DCP1A: variants seen among roughly 807,000 people sequenced by gnomAD.
DCP1A encodes decapping mRNA 1A.
A neutral mutation model predicts 58.0 loss-of-function variants in DCP1A; 20 were observed. The ratio of observed to expected loss-of-function variants is 0.34; its 90% CI spans 0.24 to 0.50. The LOEUF (loss-of-function observed/expected upper bound fraction) is 0.50. Among genes scored for constraint, DCP1A ranks in the 20% least tolerant of loss-of-function variants. DCP1A has a pLI of 0.98. For missense variants in DCP1A, 613 were observed against 712.2 expected, an observed-to-expected ratio of 0.86 and a Z score of 1.59; for synonymous variants, 285 against 275.1, an observed-to-expected ratio of 1.04 and a Z score of -0.36.
Position 53,312,362 on chromosome 3 carries a change from G to A in DCP1A, c.389C>T (p.Thr130Ile), listed in dbSNP as rs1553688778. 1 of 1,609,268 alleles carries A rather than the reference G, an allele frequency of 6.2e-7. No homozygotes were observed. Reference sequence around the variant, plus strand: ...CCGAGCAGCTTGCTGGGATCGCCGTGTCTCCTCTTCTACCACACTAGAGGA... The same window carrying A: ...CCGAGCAGCTTGCTGGGATCGCCGTATCTCCTCTTCTACCACACTAGAGGA... ...KLMADVVEEE[T>I]RRSQQAARDK... Residue 130 changes from threonine to isoleucine, a missense_variant, in exon 5 of 10, where the codon ACA (threonine) becomes ATA (isoleucine). Physicochemically the swap from Thr to Ile is moderately conservative, Grantham distance 89. This residue lies in a region of DCP1A where 498 missense variants were observed against 556.7 expected (regional missense o/e 0.89). Coordinates refer to ENST00000610213, the MANE Select transcript of DCP1A (RefSeq NM_018403.7).
chr3:53,293,524 C>T (rs782416944), intron 6 of DCP1A, among the ~76,000 whole-genome samples: 11 of 152,060 alleles, frequency 7.2e-5, no homozygotes, highest in African/African-American at 1.4e-4. Flanking sequence ...TGGGCCCACG[C>T]GATGCAGCAA....
chr3:53,329,726 T>C (rs1286949451), intron 3 of DCP1A, among the ~76,000 whole-genome samples: 5 of 152,234 alleles, frequency 3.3e-5, no homozygotes, highest in Non-Finnish European at 7.3e-5. Flanking sequence ...CAAAAGGGCT[T>C]TGTCCATTTT....
chr3:53,302,300 T>C (rs1707333269), intron 6 of DCP1A, among the ~76,000 whole-genome samples: 1 of 152,156 alleles, frequency 6.6e-6, no homozygotes, highest in African/African-American at 2.4e-5. Flanking sequence ...AAACAAAAAG[T>C]CTACTTAAAA....
chr3:53,322,794 ATGTTTGTT>A (rs1245339925), intron 3 of DCP1A, among the ~76,000 whole-genome samples: 3 of 147,902 alleles, frequency 2.0e-5, no homozygotes, highest in African/African-American at 5.0e-5. Context: ...AGAGTTTCCC[ATGTTTGTT>A]TGTTTGTTTG....
chr3:53,298,391 G>A lies in DCP1A; in HGVS notation c.625-5564C>T, dbSNP rs550192755. On this transcript the variant is annotated intron_variant, in intron 6 of 9. Transcript: ENST00000610213. ...TCTCTAGAATGGGGAGTATGGTAAAGCATTACAGTTTTGGAGGTTTTCTCA... is the reference window on the plus strand; with the variant it reads ...TCTCTAGAATGGGGAGTATGGTAAAACATTACAGTTTTGGAGGTTTTCTCA... Among the ~76,000 whole-genome samples the A allele has an allele frequency of 5.6e-4, 85 of 152,326 alleles. 1 individual carries two copies. The highest frequency in any genetic ancestry group is 1.9e-3 in the African/African-American group (81 of 41,570).
rs1706833404 is a variant in DCP1A at position 53,290,772 on chromosome 3, A to G, written c.1449+19T>C. 1 of 1,513,478 alleles carries G rather than the reference A, an allele frequency of 6.6e-7. No homozygotes were observed. The highest frequency in any genetic ancestry group is 8.9e-7 in the Non-Finnish European group (1 of 1,124,636). 93.8% of individuals were successfully genotyped at this position (1,513,478 alleles called of 1,614,324 possible). On this transcript the variant is annotated intron_variant, in intron 8 of 9. Coordinates refer to ENST00000610213, the MANE Select transcript of DCP1A (RefSeq NM_018403.7). ...CTTAAAAAAAAAAAAAAAAAAAAAA[A>G]AAAAAAGCGAGTCCTTACCGGGATG...
At chr3:53,334,362 G>A (rs1297610636) in intron 3 of DCP1A, among the ~76,000 whole-genome samples, 1 of 152,146 alleles carries the variant, frequency 6.6e-6, no homozygotes, top group Non-Finnish European at 1.5e-5. Context: ...TAACTGGCAA[G>A]TTTAGTTCAC....
rs1243352352 is a variant in DCP1A, at chr3:53,286,212, G to A, written c.*1368C>T. ...TTGTTCCTAAGGAACCATCATATCTGTCAGCATTATTCACAGCTAATCCTT... is the reference window on the plus strand; with the variant it reads ...TTGTTCCTAAGGAACCATCATATCTATCAGCATTATTCACAGCTAATCCTT... On this transcript the variant is annotated 3_prime_UTR_variant, in exon 10 of 10. Transcript: ENST00000610213. 6.6e-6 allele frequency: 1 copy of A among 152,182 alleles called. No homozygotes were observed. The allele number at this position is 152,182 out of a possible 1,614,324, so 9.4% of individuals were successfully genotyped here.
At chr3:53,346,157 AAAG>A (rs1405061416) in intron 1 of DCP1A, among the ~76,000 whole-genome samples, 21 of 152,316 alleles carry the variant, frequency 1.4e-4, no homozygotes, top group African/African-American at 4.8e-4. Context: ...TAGGCCAAGA[AAAG>A]AAAAAAGATT....
chr3:53,315,676 G>C (rs4687722), intron 4 of DCP1A, among the ~76,000 whole-genome samples: 7 of 150,238 alleles, frequency 4.7e-5, no homozygotes, highest in Non-Finnish European at 1.0e-4. Flanking sequence ...ATAGGGTCTA[G>C]AAGCTCACTC....
chr3:53,310,781 C>CTT (rs1229608908), intron 5 of DCP1A, among the ~76,000 whole-genome samples: 1 of 152,178 alleles, frequency 6.6e-6, no homozygotes, highest in Non-Finnish European at 1.5e-5. Context: ...TTGGTACAAA[C>CTT]TTGAAACTTC....
At position 53,290,911 on chromosome 3, in the gene DCP1A, A is replaced by C. The variant is rs1375890018; in HGVS notation, c.1384-55T>G. The C allele has an allele frequency of 2.8e-6, 4 of 1,446,458 alleles. No individual in the cohort carries two copies. The Admixed American group carries it at 7.9e-5, about 29-fold the overall frequency. 89.6% of individuals were successfully genotyped at this position (1,446,458 alleles called of 1,614,324 possible). ...GATATAAGAAGTTTCAATTAAGAAG[A>C]CTTCCTAGTCTTAATTGAAAAAGAC... is the stretch of plus-strand genomic sequence containing the variant. On this transcript the variant is annotated intron_variant, in intron 7 of 9. Coordinates refer to ENST00000610213, the MANE Select transcript of DCP1A (RefSeq NM_018403.7).
chr3:53,315,749 T>A (rs1450620463), intron 4 of DCP1A, among the ~76,000 whole-genome samples: 2 of 104,428 alleles, frequency 1.9e-5, no homozygotes, highest in Middle Eastern at 5.8e-3. Context: ...TTGTTGTTTT[T>A]TTTTTTTGTT....
At chr3:53,335,173 C>A (rs112256477) in intron 3 of DCP1A, among the ~76,000 whole-genome samples, 1 of 151,806 alleles carries the variant, frequency 6.6e-6, no homozygotes, top group Non-Finnish European at 1.5e-5. Flanking sequence ...CAGAGTCTCA[C>A]TCTGTCACCT....
chr3:53,321,685 C>G (rs1297860512), intron 3 of DCP1A, among the ~76,000 whole-genome samples: 2 of 152,228 alleles, frequency 1.3e-5, no homozygotes, highest in Non-Finnish European at 2.9e-5. Flanking sequence ...CACCACTGCA[C>G]TGCAGCCTGG....
chr3:53,293,675 T>C (rs1169454094), intron 6 of DCP1A, among the ~76,000 whole-genome samples: 1 of 152,144 alleles, frequency 6.6e-6, no homozygotes, highest in African/African-American at 2.4e-5. Flanking sequence ...AAAAAATTAG[T>C]TCACTGAAAC....
chr3:53,296,210 A>C (rs1321746157), intron 6 of DCP1A, among the ~76,000 whole-genome samples: 1 of 152,208 alleles, frequency 6.6e-6, no homozygotes, highest in Non-Finnish European at 1.5e-5. Context: ...TGTGGTCTTA[A>C]TAGCAAGCAT....
intron 3 of DCP1A, among the ~76,000 whole-genome samples, chr3:53,323,559 C>CAGTGAT (rs1708030737): frequency 6.6e-6 from 1 of 152,060 alleles, no homozygotes; most frequent in African/African-American, 2.4e-5. Context: ...AAACAATACA[C>CAGTGAT]AGTGATAAGA....
intron 3 of DCP1A, among the ~76,000 whole-genome samples, chr3:53,326,776 C>A (rs1553690607): frequency 3.9e-5 from 6 of 152,128 alleles, no homozygotes. Context: ...TGGTGAGTTG[C>A]ATAATTATTT....
Sources: gnomAD v4.1 joint callset for allele counts (sites outside exome capture counted in the v4.1 genomes callset) on GRCh38, gnomAD v4.1.1 for gene constraint, gnomAD v4.1.1 regional missense constraint, MANE v1.5 for transcripts, NCBI Gene and HGNC (gene_info 2026-07-23, HGNC 2026-07-21) for gene names.